The following GLG1 variants were observed in gnomAD, a reference collection of about 807,000 sequenced individuals.
The protein encoded by GLG1 is golgi glycoprotein 1.
Under a neutral mutation model 160.5 loss-of-function variants are expected in GLG1, and 38 were observed. The observed-to-expected ratio is 0.24, with a 90% CI of 0.18 to 0.31. GLG1 has a LOEUF of 0.31. Ranked by LOEUF, GLG1 falls within the 10% of genes least tolerant of loss-of-function variation. GLG1 has a pLI of 1.00. For synonymous variants in GLG1, 644 were observed against 543.4 expected (o/e 1.19, Z -2.57); for missense variants, 1,373 against 1,505.2 (o/e 0.91, Z 1.45).
chr16:74,472,841 G>C (rs1335115721), intron 13 of GLG1: 4 of 322,906 alleles, frequency 1.2e-5, no homozygotes, highest in Admixed American at 8.7e-5. Flanking sequence ...TGTTACTGGG[G>C]AACACATACT....
intron 16 of GLG1, chr16:74,469,280 T>C (rs2015112903): frequency 1.7e-6 from 1 of 576,572 alleles, no homozygotes; most frequent in Non-Finnish European, 3.1e-6. Flanking sequence ...GCTGACTACA[T>C]TCCTGACAGA....
intron 19 of GLG1, 148 bp from the exon 20 acceptor site, chr16:74,463,627 C>T (rs1259553967): frequency 1.8e-5 from 13 of 730,928 alleles, no homozygotes. Context: ...CAACCTCCGC[C>T]TCCCGAGTTC....
chr16:74,488,138 C>T (rs749574852), intron 8 of GLG1, among the ~76,000 whole-genome samples: 55 of 152,096 alleles, frequency 3.6e-4, no homozygotes, highest in Admixed American at 2.1e-3. Flanking sequence ...CAGCTTACTA[C>T]CTGCTGAGAA....
At chr16:74,600,020 C>G (rs746804391) in intron 1 of GLG1, among the ~76,000 whole-genome samples, 9 of 150,046 alleles carry the variant, frequency 6.0e-5, no homozygotes, top group Non-Finnish European at 1.0e-4. Context: ...GGTGACAGTG[C>G]GAGACTCCGT....
At chr16:74,486,222 T>C (rs1253249506) in intron 8 of GLG1, among the ~76,000 whole-genome samples, 1 of 152,226 alleles carries the variant, frequency 6.6e-6, no homozygotes, top group Non-Finnish European at 1.5e-5. Context: ...ATCTGCCTAC[T>C]TGTTAATCAG....
In GLG1 at chr16:74,508,906, A is replaced by T; in HGVS notation, c.491T>A (p.Leu164Gln). ...AAATTTGGGATCTGTAGTTAGGTTCAGCTTATAATTCCACAACAACTAGAT... is the reference window on the plus strand; with the variant it reads ...AAATTTGGGATCTGTAGTTAGGTTCTGCTTATAATTCCACAACAACTAGAT... Reference protein sequence around the residue: ...DCNHLLWNYKLNLTTDPKFES... With the variant: ...DCNHLLWNYKQNLTTDPKFES... The change falls in exon 3 of 26, where the codon CTG (leucine) becomes CAG (glutamine). Residue 164 changes from leucine (L) to glutamine (Q), a missense_variant. Leu to Gln is a moderately radical substitution (Grantham distance 113). Transcript: ENST00000422840. 1 of 1,473,854 alleles carries T rather than the reference A, an allele frequency of 6.8e-7. No homozygotes were observed. Among genetic ancestry groups the T allele is most frequent in the Non-Finnish European group, 9.5e-7 (1 of 1,054,162 alleles). 91.3% of individuals were successfully genotyped at this position (1,473,854 alleles called of 1,614,324 possible).
At chr16:74,590,192 G>T (rs1958141357) in intron 1 of GLG1, among the ~76,000 whole-genome samples, 1 of 151,868 alleles carries the variant, frequency 6.6e-6, no homozygotes, top group Non-Finnish European at 1.5e-5. Context: ...GTAGAGACAG[G>T]ATTTCACCAT....
chr16:74,546,612 C>T (rs9888968), intron 1 of GLG1, among the ~76,000 whole-genome samples: 100,593 of 151,290 alleles, frequency 0.66, 33,608 homozygotes, highest in East Asian at 0.81. Context: ...CAAGGCAAGG[C>T]GGATCACCTC....
At chr16:74,573,944 C>A (rs888519834) in intron 1 of GLG1, among the ~76,000 whole-genome samples, 1 of 152,056 alleles carries the variant, frequency 6.6e-6, no homozygotes, top group Non-Finnish European at 1.5e-5. Context: ...CAGGCGCACA[C>A]CACTACACCC....
chr16:74,481,585 C>T (rs2015600058), intron 10 of GLG1, among the ~76,000 whole-genome samples: 1 of 152,014 alleles, frequency 6.6e-6, no homozygotes, highest in South Asian at 2.1e-4. Flanking sequence ...AAATTACAGC[C>T]CAGCTTTCTG....
At chr16:74,601,905 C>T (rs545334372) in intron 1 of GLG1, among the ~76,000 whole-genome samples, 29 of 152,280 alleles carry the variant, frequency 1.9e-4, no homozygotes, top group African/African-American at 6.3e-4. Flanking sequence ...TGAACACCAG[C>T]TCTACCACTT....
At chr16:74,541,423 T>C (rs2017864805) in intron 1 of GLG1, among the ~76,000 whole-genome samples, 1 of 151,598 alleles carries the variant, frequency 6.6e-6, no homozygotes, top group African/African-American at 2.4e-5. Context: ...CAAGCTATCA[T>C]GTTTGAGAGG....
chr16:74,516,202 G>C (rs2016973580), intron 2 of GLG1, among the ~76,000 whole-genome samples: 1 of 151,640 alleles, frequency 6.6e-6, no homozygotes, highest in Non-Finnish European at 1.5e-5. Context: ...GCACCAAGCA[G>C]ACCTAATAGA....
intron 1 of GLG1, among the ~76,000 whole-genome samples, chr16:74,586,377 G>C (rs1958052678): frequency 6.6e-6 from 1 of 152,062 alleles, no homozygotes; most frequent in Admixed American, 6.6e-5. Context: ...CACTGGTAAA[G>C]GGCTTATTAT....
chr16:74,604,637 G>C (rs1327238382), intron 1 of GLG1, among the ~76,000 whole-genome samples: 1 of 152,164 alleles, frequency 6.6e-6, no homozygotes, highest in East Asian at 1.9e-4. Flanking sequence ...TTCTATACAT[G>C]TTTCTTCAAA....
intron 4 of GLG1, among the ~76,000 whole-genome samples, chr16:74,497,577 A>C (rs1412069435): frequency 6.6e-6 from 1 of 151,000 alleles, no homozygotes; most frequent in Non-Finnish European, 1.5e-5. Context: ...AGCTGGGACC[A>C]CAGGCGCCCG....
Position 74,452,905 on chromosome 16 carries a change from T to C in GLG1, c.*262A>G, listed in dbSNP as rs986813331. 1.1e-4 allele frequency: 127 copies of C among 1,166,008 alleles called. 1 individual carries two copies. Among genetic ancestry groups the C allele is most frequent in the Non-Finnish European group, 1.3e-4 (120 of 945,760 alleles). The allele number at this position is 1,166,008 out of a possible 1,614,324, so 72.2% of individuals were successfully genotyped here. On this transcript the variant is annotated 3_prime_UTR_variant, in exon 26 of 26. Transcript: ENST00000422840. ...GAAGTTCTGTTGGTATGAGAGAGAC[T>C]TGTCTACAGGCAGGTAAACCCAAGT...
At chr16:74,504,407 C>T (rs1445130059) in intron 3 of GLG1, among the ~76,000 whole-genome samples, 1 of 152,188 alleles carries the variant, frequency 6.6e-6, no homozygotes, top group Non-Finnish European at 1.5e-5. Flanking sequence ...CCTGCCTCAG[C>T]TTCCTGAGTA....
chr16:74,474,804 T>C lies in GLG1; in HGVS notation c.1966-172A>G, dbSNP rs3815826. On this transcript the variant is annotated intron_variant, in intron 12 of 25. Transcript: ENST00000422840. Reference sequence around the variant, plus strand: ...CTTTGTTTAATTCCCCAGACTGAGATTGTTGAAAAGATAATTACTTCATGT... The same window carrying C: ...CTTTGTTTAATTCCCCAGACTGAGACTGTTGAAAAGATAATTACTTCATGT... 0.17 allele frequency among the ~76,000 whole-genome samples: 26,571 copies of C among 152,006 alleles called. 2,764 individuals are homozygous for C. Among genetic ancestry groups the C allele is most frequent in the East Asian group, 0.39 (2,021 of 5,166 alleles).
Sources: allele counts gnomAD v4.1 joint callset (sites outside exome capture counted in the v4.1 genomes callset), GRCh38; gene constraint gnomAD v4.1.1; transcripts MANE v1.5; gene names NCBI Gene and HGNC (gene_info 2026-07-23, HGNC 2026-07-21).